Variants in EHMT1 observed in about 807,000 individuals in gnomAD.
EHMT1 encodes the protein histone-lysine N-methyltransferase EHMT1.
Under a neutral mutation model 147.2 loss-of-function variants are expected in EHMT1, and 15 were observed. That is an observed-to-expected ratio of 0.10 (90% confidence interval 0.07 to 0.16). The LOEUF is 0.16. EHMT1 is among the 10% of genes least tolerant of loss of function. The pLI is 1.00. For synonymous variants in EHMT1, 795 were observed against 709.6 expected, an observed-to-expected ratio of 1.12 and a Z score of -1.91; for missense variants, 1,587 against 1,772.4, an observed-to-expected ratio of 0.90 and a Z score of 1.88.
At chr9:137,620,123 A>G (rs2133394323) in intron 1 of EHMT1, 1 of 152,274 alleles carries the variant, frequency 6.6e-6, no homozygotes, top group South Asian at 2.1e-4. Flanking sequence ...GGGTGTTGAA[A>G]TAAGTAAACT....
chr9:137,802,190 C>G (rs1398762686), intron 18 of EHMT1, among the ~76,000 whole-genome samples: 1 of 152,198 alleles, frequency 6.6e-6, no homozygotes, highest in East Asian at 1.9e-4. Flanking sequence ...GGGTGTGGCA[C>G]TGGGCACGAC....
At chr9:137,675,413 T>G (rs1400441544) in intron 1 of EHMT1, among the ~76,000 whole-genome samples, 1 of 152,142 alleles carries the variant, frequency 6.6e-6, no homozygotes, top group Admixed American at 6.5e-5. Flanking sequence ...ATAGGGGGGT[T>G]GGTGTGAGGG....
intron 4 of EHMT1, among the ~76,000 whole-genome samples, chr9:137,742,200 T>C (rs1948147966): frequency 6.6e-6 from 1 of 152,110 alleles, no homozygotes; most frequent in African/African-American, 2.4e-5. Flanking sequence ...CGTCTGTGGG[T>C]GGTGCTGTCA....
intron 15 of EHMT1, chr9:137,788,291 G>A (rs1318748449): frequency 1.4e-5 from 6 of 420,458 alleles, no homozygotes; most frequent in East Asian, 3.5e-5. Context: ...GCAGATGACC[G>A]AGCGGCTGGT....
At chr9:137,669,345 A>AGCACGTGCACTCACCGACTCCACCCT (rs1564562465) in intron 1 of EHMT1, among the ~76,000 whole-genome samples, 1 of 9,076 alleles carries the variant, frequency 1.1e-4, no homozygotes, top group Admixed American at 1.4e-3. Context: ...TGGACCCCAC[A>AGCACGTGCACTCACCGACTCCACCCT]CCACCCAAGA....
intron 25 of EHMT1, among the ~76,000 whole-genome samples, chr9:137,823,253 C>T (rs1955572213): frequency 6.6e-6 from 1 of 151,824 alleles, no homozygotes; most frequent in South Asian, 2.1e-4. Context: ...CGCCCACCAC[C>T]ACGCCCAGCT....
intron 1 of EHMT1, among the ~76,000 whole-genome samples, chr9:137,668,610 TC>T (rs1253534309): frequency 5.3e-5 from 8 of 152,174 alleles, no homozygotes; most frequent in Non-Finnish European, 1.2e-4. Context: ...AGCAGTTCCT[TC>T]CCGTGTCCCC....
chr9:137,766,197 T>A (rs1950207631), intron 10 of EHMT1, among the ~76,000 whole-genome samples: 1 of 152,240 alleles, frequency 6.6e-6, no homozygotes, highest in South Asian at 2.1e-4. Context: ...GCTGTCTCAC[T>A]TTCTCTGATA....
chr9:137,720,699 C>T (rs985868645), intron 3 of EHMT1, among the ~76,000 whole-genome samples: 3 of 152,176 alleles, frequency 2.0e-5, no homozygotes, highest in African/African-American at 7.2e-5. Flanking sequence ...ATCCAAGTTA[C>T]GTCATTAGCC....
intron 8 of EHMT1, 40 bp downstream of exon 8, chr9:137,754,331 T>TG (rs755370693): frequency 3.1e-6 from 5 of 1,611,184 alleles, no homozygotes; most frequent in African/African-American, 2.7e-5. Context: ...GGGGACTGCC[T>TG]GGGAGGGGAT....
At position 137,813,390 on chromosome 9, in the gene EHMT1, A is replaced by G. The variant is rs1434725451; in HGVS notation, c.3040A>G (p.Ile1014Val). ...CACCTGTCCTTTCCATGGCAGGGAC[A>G]TCGCTCGAGGCTACGAGCGCATCCC... ...SPVERIVSRDIARGYERIPIP... is the reference protein window; with the variant it reads ...SPVERIVSRDVARGYERIPIP... The change falls in exon 21 of 27, where the codon ATC becomes GTC. Residue 1014 changes from isoleucine to valine, a missense_variant. This residue lies in a region of EHMT1 where 78 missense variants were observed against 68.9 expected (regional missense o/e 1.13). Transcript: ENST00000460843. The surrounding 1 kb of genome is among the most constrained non-coding windows in gnomAD (Gnocchi z 4.9). 1.2e-6 allele frequency: 2 copies of G among 1,611,192 alleles called. No homozygotes were observed. The highest frequency in any genetic ancestry group is 1.7e-6 in the Non-Finnish European group (2 of 1,179,296).
At chr9:137,816,608 A>G (rs533745915) in intron 23 of EHMT1, 25 of 175,242 alleles carry the variant, frequency 1.4e-4, no homozygotes, top group Non-Finnish European at 2.0e-4. Flanking sequence ...CTTTCCCTGG[A>G]TTCTGGTCTT....
intron 1 of EHMT1, among the ~76,000 whole-genome samples, chr9:137,634,421 G>T (rs1843833021): frequency 6.6e-6 from 1 of 152,130 alleles, no homozygotes; most frequent in Non-Finnish European, 1.5e-5. Context: ...GAATTGCCTG[G>T]CCATCGTTTT....
At chr9:137,804,153 C>T (rs1177554412) in intron 18 of EHMT1, among the ~76,000 whole-genome samples, 7 of 152,118 alleles carry the variant, frequency 4.6e-5, no homozygotes, top group Non-Finnish European at 1.0e-4. Flanking sequence ...ATGGGAGACC[C>T]ACCCCCATAA....
At chr9:137,795,401 G>GCGCACACACACACACACACACA (rs1554887412) in intron 16 of EHMT1, among the ~76,000 whole-genome samples, 2 of 130,282 alleles carry the variant, frequency 1.5e-5, no homozygotes, top group Non-Finnish European at 3.4e-5. Flanking sequence ...ATCGCAGGGT[G>GCGCACACACACACACACACACA]CACACACACA....
rs977977817 is a variant in EHMT1, at chr9:137,787,615, A to C, written c.2383-3233A>C. ...AACCGCCTCGCCTTGGCTCCCTGGC[A>C]ACAAGCTGGGGGTGGAAGCGGGAGG... is the stretch of plus-strand genomic sequence containing the variant. On this transcript the variant is annotated intron_variant, in intron 15 of 26. Coordinates refer to ENST00000460843, the MANE Select transcript of EHMT1 (RefSeq NM_024757.5). The surrounding 1 kb of genome is among the most constrained non-coding windows in gnomAD (Gnocchi z 4.2). 4 of 518,136 alleles carry C rather than the reference A, an allele frequency of 7.7e-6. No homozygotes were observed. Among genetic ancestry groups the C allele is most frequent in the Non-Finnish European group, 1.0e-5 (3 of 286,736 alleles). The allele number at this position is 518,136 out of a possible 1,614,324, so 32.1% of individuals were successfully genotyped here. A position where few individuals can be genotyped will look rare whatever the true frequency, so the allele number is the denominator to read the frequency against.
intron 1 of EHMT1, among the ~76,000 whole-genome samples, chr9:137,623,814 C>A (rs1843087671): frequency 6.6e-6 from 1 of 152,080 alleles, no homozygotes; most frequent in African/African-American, 2.4e-5. Context: ...TTTCAGTTTT[C>A]ATTGTTGCTC....
chr9:137,720,725 T>C (rs1945863483), intron 3 of EHMT1, among the ~76,000 whole-genome samples: 1 of 152,242 alleles, frequency 6.6e-6, no homozygotes, highest in South Asian at 2.1e-4. Flanking sequence ...CGTTCTCTGC[T>C]GAGGCCTTGG....
intron 16 of EHMT1, among the ~76,000 whole-genome samples, chr9:137,792,669 C>T (rs936834512): frequency 1.3e-5 from 2 of 152,158 alleles, no homozygotes; most frequent in African/African-American, 4.8e-5. Flanking sequence ...CACGCCACTG[C>T]GCTCCAACCT....
Sources: gnomAD v4.1 joint callset for allele counts (sites outside exome capture counted in the v4.1 genomes callset) on GRCh38, gnomAD v4.1.1 for gene constraint, gnomAD v4.1.1 regional missense constraint, Gnocchi (gnomAD v3.1) non-coding constraint, MANE v1.5 for transcripts, NCBI Gene and HGNC (gene_info 2026-07-23, HGNC 2026-07-21) for gene names.